The following DENND1A variants were observed in gnomAD, a reference collection of about 807,000 sequenced individuals.
DENND1A encodes the protein DENN domain containing 1A.
A neutral mutation model predicts 113.7 loss-of-function variants in DENND1A; 51 were observed. The ratio of observed to expected loss-of-function variants is 0.45; its 90% confidence interval spans 0.36 to 0.57. DENND1A has a LOEUF of 0.57. Ranked by LOEUF, DENND1A falls within the 20% of genes least tolerant of loss-of-function variation. The pLI is 0.00. For synonymous variants in DENND1A, 565 were observed against 570.8 expected (o/e 0.99, Z 0.14); for missense variants, 1,258 against 1,395.9 (o/e 0.90, Z 1.57).
At chr9:123,803,993 C>T (rs1215392913) in intron 2 of DENND1A, among the ~76,000 whole-genome samples, 2 of 152,194 alleles carry the variant, frequency 1.3e-5, no homozygotes, top group Non-Finnish European at 2.9e-5. Flanking sequence ...AATTTCACAC[C>T]CATGATTGCT....
At chr9:123,411,882 C>T (rs2044330616) in intron 19 of DENND1A, 53 bp from the exon 20 acceptor site, 10 of 978,080 alleles carry the variant, frequency 1.0e-5, no homozygotes, top group Non-Finnish European at 1.1e-5. Context: ...AGGCTCAATG[C>T]ATTTCCACAC....
chr9:123,414,582 A>G (rs2044571640), intron 19 of DENND1A: 6 of 1,550,530 alleles, frequency 3.9e-6, no homozygotes, highest in Non-Finnish European at 5.2e-6. Flanking sequence ...TTGGGGATTC[A>G]CAACGCCTGT....
Position 123,382,383 on chromosome 9 carries a change from A to G in DENND1A, c.2262T>C (p.Thr754=), listed in dbSNP as rs1381841393. The change falls in exon 24 of 24, where the codon ACT becomes ACC. Residue 754 remains threonine, a synonymous_variant. Transcript: ENST00000394215. Reference sequence around the variant, plus strand: ...GCCGGGGGATGGTGATGCTGCCCAGAGTAGGGGTGGGCACCTCCTCCTTGT... The same window carrying G: ...GCCGGGGGATGGTGATGCTGCCCAGGGTAGGGGTGGGCACCTCCTCCTTGT... ...PSDKEEVPTP[T]LGSITIPRPQ... The G allele has an allele frequency of 6.3e-7, 1 of 1,598,798 alleles. No individual in the cohort carries two copies. The highest frequency in any genetic ancestry group is 1.7e-5 in the Admixed American group (1 of 59,220).
At chr9:123,515,306 A>T (rs1348372070) in intron 13 of DENND1A, among the ~76,000 whole-genome samples, 3 of 152,254 alleles carry the variant, frequency 2.0e-5, no homozygotes, top group Non-Finnish European at 1.5e-5. Flanking sequence ...TTTCCATTAC[A>T]TAATATTATT....
At position 123,652,128 on chromosome 9, in the gene DENND1A, G is replaced by A. The variant is rs1402959648; in HGVS notation, c.508-5C>T. 3.1e-6 allele frequency: 5 copies of A among 1,613,394 alleles called. No homozygotes were observed. Among genetic ancestry groups the A allele is most frequent in the Non-Finnish European group, 3.4e-6 (4 of 1,179,448 alleles). Reference sequence around the variant, plus strand: ...AAAATATTCTGTCAGATTTCTCTAGGAGAAAGAAGAAGGCACGGTTTGTGG... The same window carrying A: ...AAAATATTCTGTCAGATTTCTCTAGAAGAAAGAAGAAGGCACGGTTTGTGG... On this transcript the variant is annotated splice_region_variant and splice_polypyrimidine_tract_variant and intron_variant, in intron 8 of 23. Transcript: ENST00000394215.
intron 10 of DENND1A, among the ~76,000 whole-genome samples, chr9:123,615,716 T>A (rs759417812): frequency 1.3e-5 from 2 of 152,204 alleles, no homozygotes; most frequent in Non-Finnish European, 1.5e-5. Context: ...CCATTTGGCA[T>A]AAAGCATGTG....
At chr9:123,622,119 TG>T (rs1237838743) in intron 10 of DENND1A, among the ~76,000 whole-genome samples, 1 of 152,238 alleles carries the variant, frequency 6.6e-6, no homozygotes, top group Non-Finnish European at 1.5e-5. Flanking sequence ...AAACCTTCAC[TG>T]TACATATCCT....
At chr9:123,499,285 C>T (rs996078823) in intron 13 of DENND1A, among the ~76,000 whole-genome samples, 1 of 151,784 alleles carries the variant, frequency 6.6e-6, no homozygotes, top group Non-Finnish European at 1.5e-5. Context: ...CCACCCGCCT[C>T]GGCCTCCCAA....
intron 20 of DENND1A, among the ~76,000 whole-genome samples, chr9:123,407,461 CT>C (rs912372622): frequency 4.1e-4 from 63 of 151,936 alleles, no homozygotes; most frequent in African/African-American, 1.5e-3. Flanking sequence ...CACACACCCC[CT>C]CACACACACA....
rs1462874229 is a variant in DENND1A at position 123,526,296 on chromosome 9, G to A, written c.993+31274C>T. ...GGCTTCCTTTCCCATTGATACTCAAGAGAGCCTGCATTCTCAGTCCCACGG... is the reference window on the plus strand; with the variant it reads ...GGCTTCCTTTCCCATTGATACTCAAAAGAGCCTGCATTCTCAGTCCCACGG... On this transcript the variant is annotated intron_variant, in intron 13 of 23. Coordinates refer to ENST00000394215, the MANE Select transcript of DENND1A (RefSeq NM_001352964.2). Among the ~76,000 whole-genome samples the A allele has an allele frequency of 2.0e-5, 3 of 152,144 alleles. No homozygotes were observed. In the East Asian group the frequency reaches 5.8e-4, roughly 29 times the overall value.
intron 5 of DENND1A, among the ~76,000 whole-genome samples, chr9:123,704,127 A>C (rs1463217940): frequency 2.0e-5 from 3 of 150,986 alleles, no homozygotes; most frequent in Non-Finnish European, 4.4e-5. Context: ...AAAAGTAAAC[A>C]CTCTAGAGGC....
At chr9:123,565,510 C>A (rs1564729637) in intron 12 of DENND1A, among the ~76,000 whole-genome samples, 3 of 152,182 alleles carry the variant, frequency 2.0e-5, no homozygotes, top group Admixed American at 2.0e-4. Context: ...ATTAGACACA[C>A]AGCAGCAGGT....
chr9:123,555,807 T>C (rs898984418), intron 13 of DENND1A, among the ~76,000 whole-genome samples: 1 of 152,210 alleles, frequency 6.6e-6, no homozygotes, highest in African/African-American at 2.4e-5. Context: ...TGGAGGAGCC[T>C]GTGCCCAGAT....
chr9:123,524,251 T>C (rs2054625823), intron 13 of DENND1A, among the ~76,000 whole-genome samples: 2 of 152,224 alleles, frequency 1.3e-5, no homozygotes, highest in Non-Finnish European at 2.9e-5. Flanking sequence ...GAGTAGGCAC[T>C]CAGTAAATAG....
rs116556462 is a variant in DENND1A, at chr9:123,732,065, A to G, written c.302+25638T>C. On this transcript the variant is annotated intron_variant, in intron 5 of 23. Coordinates refer to ENST00000394215, the MANE Select transcript of DENND1A (RefSeq NM_001352964.2). ...AAAATGCTTGTGAGTACGTGGGACA[A>G]CTGGAACTCTGACACCTTGCTTGTG... Among the ~76,000 whole-genome samples, 337 of 152,390 alleles carry G rather than the reference A, an allele frequency of 2.2e-3. 1 individual carries two copies. Among genetic ancestry groups the G allele is most frequent in the African/African-American group, 7.8e-3 (323 of 41,596 alleles).
chr9:123,726,564 A>G (rs1253176920), intron 5 of DENND1A, among the ~76,000 whole-genome samples: 1 of 152,206 alleles, frequency 6.6e-6, no homozygotes, highest in Non-Finnish European at 1.5e-5. Flanking sequence ...AATGAAGAGA[A>G]TAGAGGGAGG....
At chr9:123,387,699 G>A (rs1311368176) in intron 22 of DENND1A, 31 bp downstream of exon 22, 5 of 1,287,796 alleles carry the variant, frequency 3.9e-6, no homozygotes, top group Non-Finnish European at 5.1e-6. Flanking sequence ...ACCAAGCCGA[G>A]CTCAGGGAAA....
At chr9:123,905,006 C>A (rs1330305199) in intron 1 of DENND1A, among the ~76,000 whole-genome samples, 1 of 152,312 alleles carries the variant, frequency 6.6e-6, no homozygotes, top group African/African-American at 2.4e-5. Context: ...AACAGCAGAT[C>A]TCTCAGCAGA....
chr9:123,894,592 T>A (rs1192902863), intron 1 of DENND1A, among the ~76,000 whole-genome samples: 1 of 152,206 alleles, frequency 6.6e-6, no homozygotes, highest in Non-Finnish European at 1.5e-5. Context: ...TAGGATGCAA[T>A]GAGGCTTTTT....
Sources: allele counts gnomAD v4.1 joint callset (sites outside exome capture counted in the v4.1 genomes callset), GRCh38; gene constraint gnomAD v4.1.1; transcripts MANE v1.5; gene names NCBI Gene and HGNC (gene_info 2026-07-23, HGNC 2026-07-21).